Variants in CSF1R observed in about 807,000 individuals in gnomAD.
CSF1R encodes the protein macrophage colony-stimulating factor 1 receptor.
A neutral mutation model predicts 110.0 loss-of-function variants in CSF1R; 40 were observed. The observed-to-expected ratio is 0.36, with a 90% CI of 0.28 to 0.47. The LOEUF (loss-of-function observed/expected upper bound fraction) is 0.47, where lower values mean the gene tolerates loss of function less well. CSF1R is among the 20% of genes least tolerant of loss of function. CSF1R has a pLI of 0.99. For missense variants in CSF1R, 1,052 were observed against 1,253.0 expected, an observed-to-expected ratio of 0.84 and a Z score of 2.42; for synonymous variants, 523 against 503.4, an observed-to-expected ratio of 1.04 and a Z score of -0.52.
At position 150,073,436 on chromosome 5, in the gene CSF1R, C is replaced by T. The variant is rs752720838; in HGVS notation, c.947G>A (p.Gly316Glu). 6.2e-7 allele frequency: 1 copy of T among 1,614,136 alleles called. No individual in the cohort carries two copies. The highest frequency in any genetic ancestry group is 8.5e-7 in the Non-Finnish European group (1 of 1,180,012). ...EQNLIQEVTV[G>E]EGLNLKVMVE... is the part of the protein sequence containing the mutation. ...CATGACTTTGAGGTTGAGCCCCTCC[C>T]CCACGGTCACCTCCTGGATGAGGTT... is the stretch of plus-strand genomic sequence containing the variant. Residue 316 changes from glycine (G) to glutamate (E), a missense_variant, in exon 6 of 21, where the codon GGG becomes GAG. Physicochemically the swap from Gly to Glu is moderately conservative, Grantham distance 98. Around this residue, in one of 5 missense-constraint regions of CSF1R, gnomAD observed 693 missense variants for 735.4 expected, o/e 0.94. Transcript: ENST00000675795.
At chr5:150,083,400 A>ACACT (rs1758649486) in intron 1 of CSF1R, among the ~76,000 whole-genome samples, 1 of 132,800 alleles carries the variant, frequency 7.5e-6, no homozygotes, top group Non-Finnish European at 1.7e-5. Context: ...ACACACACAC[A>ACACT]CTGCACACTA....
chr5:150,099,953 AG>A (rs1759349942), intron 1 of CSF1R, among the ~76,000 whole-genome samples: 1 of 152,250 alleles, frequency 6.6e-6, no homozygotes. Flanking sequence ...AAATGAAAAA[AG>A]GGAAGTCTTT....
At chr5:150,062,811 C>T (rs1408161649) in intron 10 of CSF1R, among the ~76,000 whole-genome samples, 1 of 152,096 alleles carries the variant, frequency 6.6e-6, no homozygotes, top group Non-Finnish European at 1.5e-5. Context: ...TAAGATAAGT[C>T]AGGGAAGGCC....
intron 1 of CSF1R, among the ~76,000 whole-genome samples, chr5:150,083,997 G>GT (rs1353575558): frequency 1.3e-5 from 2 of 152,076 alleles, no homozygotes; most frequent in African/African-American, 2.4e-5. Flanking sequence ...GTGACTCCAT[G>GT]TTTTTTTCTC....
intron 5 of CSF1R, 147 bp downstream of exon 5, chr5:150,077,129 C>T (rs887390632): frequency 2.0e-6 from 2 of 1,010,102 alleles, no homozygotes; most frequent in South Asian, 1.4e-5. Flanking sequence ...TGGAGAGTGG[C>T]TCCTTAGCCA....
chr5:150,071,943 C>T (rs1758051888), intron 6 of CSF1R, among the ~76,000 whole-genome samples: 1 of 152,210 alleles, frequency 6.6e-6, no homozygotes, highest in South Asian at 2.1e-4. Context: ...GAGGTTTGGG[C>T]TTCCAGAGCT....
intron 5 of CSF1R, among the ~76,000 whole-genome samples, chr5:150,076,488 G>T (rs1758273848): frequency 6.6e-6 from 1 of 152,178 alleles, no homozygotes; most frequent in Admixed American, 6.5e-5. Context: ...GCAGACTCAG[G>T]TTGGAACACT....
Position 150,073,373 on chromosome 5 carries a change from G to A in CSF1R, c.1010C>T (p.Thr337Ile), listed in dbSNP as rs747430864. The A allele has an allele frequency of 6.2e-7, 1 of 1,614,138 alleles. No homozygotes were observed. The highest frequency in any genetic ancestry group is 1.1e-5 in the South Asian group (1 of 91,078). The change falls in exon 6 of 21, where the codon ACC (threonine) becomes ATC (isoleucine). Residue 337 changes from threonine (T) to isoleucine (I), a missense_variant. By Grantham distance (89) the Thr-to-Ile change is moderately conservative. Coordinates refer to ENST00000675795, the MANE Select transcript of CSF1R (RefSeq NM_001288705.3). ...GTGGTCAGAAAAGGGTCCCAGGTAG[G>A]TCCAGTTAAAACCTTGCAGGCCTGG... ...AYPGLQGFNWTYLGPFSDHQP... is the reference protein window; with the variant it reads ...AYPGLQGFNWIYLGPFSDHQP...
intron 1 of CSF1R, 118 bp from the exon 2 acceptor site, chr5:150,081,142 C>T (rs1382808329): frequency 6.8e-6 from 8 of 1,169,542 alleles, no homozygotes; most frequent in Non-Finnish European, 9.7e-6. Context: ...CAAGGGACCA[C>T]CTTGAACGAG....
intron 5 of CSF1R, among the ~76,000 whole-genome samples, chr5:150,074,305 G>GTTTTT (rs35475636): frequency 0.026 from 3,317 of 126,698 alleles, 171 homozygotes; most frequent in East Asian, 0.16. Context: ...GTCCTGACTA[G>GTTTTT]TTTTTTTTTT....
At chr5:150,077,777 C>T (rs892299141) in intron 4 of CSF1R, among the ~76,000 whole-genome samples, 1 of 152,130 alleles carries the variant, frequency 6.6e-6, no homozygotes, top group African/African-American at 2.4e-5. Flanking sequence ...TCCTGGGCTT[C>T]AATGGTGGCC....
At chr5:150,107,043 T>C (rs769910158) in intron 1 of CSF1R, among the ~76,000 whole-genome samples, 30 of 152,374 alleles carry the variant, frequency 2.0e-4, no homozygotes, top group Non-Finnish European at 3.5e-4. Context: ...TGGCCCTGCC[T>C]GGCAGATGAG....
rs1241264920 is a variant in CSF1R at position 150,094,317 on chromosome 5, GAGA to G, written c.-180-7713_-180-7711del. ...GGCTGGAACCATGGAGGGTGTAGAA[GAGA>G]AGAAGAAGGAGGTTCCTGCTGTGCC... On this transcript the variant is annotated intron_variant, in intron 1 of 21. Coordinates refer to the CSF1R transcript ENST00000286301. 3.6e-5 allele frequency: 58 copies of G among 1,595,798 alleles called. No homozygotes were observed. In the East Asian group the frequency reaches 8.7e-4, roughly 24 times the overall value.
At chr5:150,106,568 C>T (rs17110930) in intron 1 of CSF1R, among the ~76,000 whole-genome samples, 2,343 of 152,254 alleles carry the variant, frequency 0.015, 51 homozygotes, top group African/African-American at 0.05. Flanking sequence ...CACAAAGGTT[C>T]GACCACACCT....
rs749868108 is a variant in CSF1R, at chr5:150,078,219, C to G, written c.622G>C (p.Val208Leu). ...CGAATCCGCACCAGCTCTGCAGGCA[C>G]CAGTGTCAAGGCTGGGGGCCCTGGG... ...VIPGPPALTL[V>L]PAELVRIRGE... The change falls in exon 4 of 21, where the codon GTG becomes CTG. Residue 208 changes from valine (V) to leucine (L), a missense_variant. Physicochemically the swap from Val to Leu is conservative, Grantham distance 32 (BLOSUM62 1). Coordinates refer to ENST00000675795, the MANE Select transcript of CSF1R (RefSeq NM_001288705.3). The G allele has an allele frequency of 1.2e-6, 2 of 1,614,094 alleles. No homozygotes were observed. The highest frequency in any genetic ancestry group is 3.3e-5 in the Admixed American group (2 of 60,012).
chr5:150,089,426 T>C (rs1268421199), upstream of CSF1R, among the ~76,000 whole-genome samples: 3 of 152,070 alleles, frequency 2.0e-5, no homozygotes, highest in African/African-American at 7.2e-5. Context: ...AATACTCCAA[T>C]AAGGAAATTA....
intron 1 of CSF1R, among the ~76,000 whole-genome samples, chr5:150,101,070 GA>G (rs11393780): frequency 0.021 from 2,724 of 131,892 alleles, 23 homozygotes; most frequent in African/African-American, 0.03. Context: ...GTTGCTCTCA[GA>G]AAAAAAAAAA....
At position 150,080,902 on chromosome 5, in the gene CSF1R, A is replaced by G. The variant is rs767283490; in HGVS notation, c.172T>C (p.Trp58Arg). 9.3e-6 allele frequency: 15 copies of G among 1,614,078 alleles called. No homozygotes were observed. The highest frequency in any genetic ancestry group is 1.2e-5 in the Non-Finnish European group (14 of 1,180,038). Residue 58 changes from tryptophan to arginine, a missense_variant, in exon 2 of 21, where the codon TGG (tryptophan) becomes CGG (arginine). By Grantham distance (101) the Trp-to-Arg change is moderately radical (BLOSUM62 -3). This residue lies in a region of CSF1R where 693 missense variants were observed against 735.4 expected (regional missense o/e 0.94). Transcript: ENST00000675795. ...CTGGAGCCATCAGAGTACAGGGTCC[A>G]GTGAGGTGATGGGGGGCCATCCCAT... ...VEWDGPPSPH[W>R]TLYSDGSSSI...
At chr5:150,097,400 G>C (rs1212652898) in intron 1 of CSF1R, among the ~76,000 whole-genome samples, 1 of 147,284 alleles carries the variant, frequency 6.8e-6, no homozygotes, top group African/African-American at 2.5e-5. Flanking sequence ...AAGGAAAGAA[G>C]AAGAAAGAAA....
Sources: gnomAD v4.1 joint callset for allele counts (sites outside exome capture counted in the v4.1 genomes callset) on GRCh38, gnomAD v4.1.1 for gene constraint, gnomAD v4.1.1 regional missense constraint, MANE v1.5 for transcripts, NCBI Gene and HGNC (gene_info 2026-07-23, HGNC 2026-07-21) for gene names.